CSMD3: variants seen among roughly 807,000 people sequenced by gnomAD.
The protein encoded by CSMD3 is CUB and sushi domain-containing protein 3.
A neutral mutation model predicts 435.2 loss-of-function variants in CSMD3; 177 were observed. The ratio of observed to expected loss-of-function variants is 0.41; its 90% CI spans 0.36 to 0.46. The LOEUF (loss-of-function observed/expected upper bound fraction) is 0.46. CSMD3 is among the 20% of genes least tolerant of loss of function. CSMD3 has a pLI of 0.34. For synonymous variants in CSMD3, 1,656 were observed against 1,520.5 expected (o/e 1.09, Z -2.07); for missense variants, 4,265 against 4,504.6 (o/e 0.95, Z 1.52).
intron 32 of CSMD3, among the ~76,000 whole-genome samples, chr8:112,429,484 G>A (rs202229352): frequency 1.3e-5 from 2 of 152,012 alleles, no homozygotes; most frequent in African/African-American, 4.8e-5. Flanking sequence ...TAGCATGAAA[G>A]ACAGCCATTA....
chr8:112,747,962 C>CAAAAAAAAAAAAAAAA (rs71309788), intron 13 of CSMD3, among the ~76,000 whole-genome samples: 55 of 96,756 alleles, frequency 5.7e-4, no homozygotes, highest in East Asian at 1.6e-3. Flanking sequence ...GACTCCGTCT[C>CAAAAAAAAAAAAAAAA]AAAAAAAAAA....
At chr8:112,991,946 T>C (rs1239495692) in intron 6 of CSMD3, among the ~76,000 whole-genome samples, 1 of 151,758 alleles carries the variant, frequency 6.6e-6, no homozygotes, top group Non-Finnish European at 1.5e-5. Context: ...TTAATTTAAT[T>C]ATAGTGTTAA....
chr8:112,237,179 T>A lies in CSMD3; in HGVS notation c.10627+11A>T. ...TGAAGGTATATTTCGCTGCTGTTTT[T>A]ATTGCGATACCTGAAAGTAGCAGCT... On this transcript the variant is annotated intron_variant, in intron 67 of 70. Transcript: ENST00000297405. 1 of 1,613,300 alleles carries A rather than the reference T, an allele frequency of 6.2e-7. No individual in the cohort carries two copies. The highest frequency in any genetic ancestry group is 8.5e-7 in the Non-Finnish European group (1 of 1,179,330).
intron 4 of CSMD3, among the ~76,000 whole-genome samples, chr8:113,162,933 T>C (rs1192342521): frequency 6.6e-6 from 1 of 152,180 alleles, no homozygotes. Context: ...TGATCTTCCA[T>C]GGCATTATAT....
At chr8:113,357,074 ATG>A (rs754425858) in intron 1 of CSMD3, among the ~76,000 whole-genome samples, 16 of 152,180 alleles carry the variant, frequency 1.1e-4, no homozygotes, top group Non-Finnish European at 1.8e-4. Context: ...ACATATATTT[ATG>A]TGTTTGTGTT....
intron 56 of CSMD3, 114 bp from the exon 57 acceptor site, chr8:112,289,652 C>G (rs181561959): frequency 1.4e-6 from 1 of 690,714 alleles, no homozygotes; most frequent in Non-Finnish European, 2.3e-6. Context: ...ACATCTAAAG[C>G]CTCCAGAAAT....
intron 4 of CSMD3, among the ~76,000 whole-genome samples, chr8:113,160,377 A>G (rs2092016457): frequency 6.6e-6 from 1 of 152,006 alleles, no homozygotes. Context: ...TGATGGTAAT[A>G]TATTTTTAAG....
intron 1 of CSMD3, among the ~76,000 whole-genome samples, chr8:113,333,114 TTCTAATTGGA>T (rs2094040964): frequency 6.6e-6 from 1 of 151,714 alleles, no homozygotes; most frequent in African/African-American, 2.4e-5. Context: ...TTCATCCATT[TTCTAATTGGA>T]TCATTAAATT....
chr8:112,920,997 G>GCACA lies in CSMD3; in HGVS notation c.1633+626_1633+629dup, dbSNP rs747366512. Among the ~76,000 whole-genome samples, 501 of 114,944 alleles carry GCACA rather than the reference G, an allele frequency of 4.4e-3. 1 individual carries two copies. The highest frequency in any genetic ancestry group is 0.015 in the Middle Eastern group (3 of 204). 75.4% of individuals were successfully genotyped at this position (114,944 alleles called of 152,430 possible). The stretch of plus-strand genomic sequence containing the variant: ...TATATGTACACACATACGCGCGCGC[G>GCACA]CACACACACACACACACACACACAC... On this transcript the variant is annotated intron_variant, in intron 10 of 70. Coordinates refer to ENST00000297405, the MANE Select transcript of CSMD3 (RefSeq NM_198123.2).
At chr8:113,115,926 A>T (rs1433977945) in intron 4 of CSMD3, among the ~76,000 whole-genome samples, 2 of 152,138 alleles carry the variant, frequency 1.3e-5, no homozygotes, top group Non-Finnish European at 2.9e-5. Context: ...ATATAGGTCC[A>T]AAGGTGCTTA....
In CSMD3 at chr8:113,098,845, C is replaced by T; in HGVS notation, c.828G>A (p.Gly276=). The change falls in exon 5 of 71, where the codon GGG becomes GGA. Residue 276 remains glycine (G), a synonymous_variant. Transcript: ENST00000297405. The part of the protein sequence containing the change: ...DCTWTIVAEP[G]DTISLIFTDF... ...CAGTAAATATGAGTGAAATTGTGTC[C>T]CCAGGCTCTGCTACAATGGTCCAAG... 1 of 1,612,478 alleles carries T rather than the reference C, an allele frequency of 6.2e-7. No individual in the cohort carries two copies. Among genetic ancestry groups the T allele is most frequent in the Middle Eastern group, 1.7e-4 (1 of 6,054 alleles).
intron 11 of CSMD3, among the ~76,000 whole-genome samples, chr8:112,831,185 T>C (rs887088874): frequency 6.6e-6 from 1 of 152,196 alleles, no homozygotes; most frequent in Non-Finnish European, 1.5e-5. Context: ...ACAGCATGTG[T>C]ATAAAGACTT....
chr8:112,582,124 C>T (rs1403202272), intron 23 of CSMD3, among the ~76,000 whole-genome samples: 3 of 151,980 alleles, frequency 2.0e-5, no homozygotes, highest in Admixed American at 6.6e-5. Context: ...AATGGTTTAG[C>T]ACCATCCCAT....
rs536242678 is a variant in CSMD3 at position 113,299,822 on chromosome 8, C to G, written c.401+14749G>C. 1.2e-4 allele frequency among the ~76,000 whole-genome samples: 19 copies of G among 152,074 alleles called. No individual in the cohort carries two copies. The East Asian group carries it at 3.5e-3, about 28-fold the overall frequency. On this transcript the variant is annotated intron_variant, in intron 2 of 70. Transcript: ENST00000297405. ...CCAGCTTGGCCAACCTGGTGAAACC[C>G]CTCTCTACTAAAAATACAAAAATTA...
At chr8:113,043,150 C>CA (rs1354520001) in intron 5 of CSMD3, among the ~76,000 whole-genome samples, 1 of 152,152 alleles carries the variant, frequency 6.6e-6, no homozygotes, top group Non-Finnish European at 1.5e-5. Flanking sequence ...CAGTGGTACT[C>CA]AAACACATAC....
At chr8:113,052,759 C>G (rs777780983) in intron 5 of CSMD3, among the ~76,000 whole-genome samples, 27 of 152,186 alleles carry the variant, frequency 1.8e-4, no homozygotes, top group Non-Finnish European at 1.5e-5. Context: ...GCCTGGATAA[C>G]AGAGACCCCA....
chr8:112,437,055 T>C (rs1485127257), intron 32 of CSMD3, among the ~76,000 whole-genome samples: 1 of 152,064 alleles, frequency 6.6e-6, no homozygotes, highest in African/African-American at 2.4e-5. Context: ...GATTAAGTTA[T>C]GTTTTTACCA....
In CSMD3 at chr8:113,088,863, T is replaced by TA. The variant is rs568005564; in HGVS notation, c.917+9892dup. 1.3e-3 allele frequency among the ~76,000 whole-genome samples: 202 copies of TA among 151,822 alleles called. 1 individual carries two copies. The highest frequency in any genetic ancestry group is 4.7e-3 in the African/African-American group (196 of 41,374). On this transcript the variant is annotated intron_variant, in intron 5 of 70. Transcript: ENST00000297405. The stretch of plus-strand genomic sequence containing the variant: ...TACCCTAAAACTTAAAGTATAATAA[T>TA]AAAAAAATAAAATAAATAAAGATGT...
chr8:112,505,293 ATC>A (rs1405740997), intron 29 of CSMD3, among the ~76,000 whole-genome samples: 3 of 152,116 alleles, frequency 2.0e-5, no homozygotes, highest in Non-Finnish European at 4.4e-5. Context: ...TTTTCAGTGG[ATC>A]TGAGGCCTGT....
Sources: allele counts gnomAD v4.1 joint callset (sites outside exome capture counted in the v4.1 genomes callset), GRCh38; gene constraint gnomAD v4.1.1; transcripts MANE v1.5; gene names NCBI Gene and HGNC (gene_info 2026-07-23, HGNC 2026-07-21).